ADAM22: variants seen among roughly 807,000 people sequenced by gnomAD.
ADAM22 encodes ADAM metallopeptidase domain 22, also known as disintegrin and metalloproteinase domain-containing protein 22.
ADAM22 carries 65 observed loss-of-function variants against 144.6 expected under a neutral mutation model. The observed-to-expected ratio is 0.45, with a 90% CI of 0.37 to 0.55. ADAM22 has a LOEUF of 0.55. Among genes scored for constraint, ADAM22 ranks in the 20% least tolerant of loss-of-function variants. The pLI is 0.00. For missense variants in ADAM22, 974 were observed against 1,184.9 expected (o/e 0.82, Z 2.61); for synonymous variants, 391 against 412.6 (o/e 0.95, Z 0.63).
intron 3 of ADAM22, among the ~76,000 whole-genome samples, chr7:88,071,430 A>G (rs1454787608): frequency 6.7e-6 from 1 of 148,292 alleles, no homozygotes; most frequent in East Asian, 2.0e-4. Flanking sequence ...TCCATTTTAA[A>G]CAGAAGCAAA....
intron 2 of ADAM22, among the ~76,000 whole-genome samples, chr7:87,971,089 ACT>A (rs1240587412): frequency 6.6e-6 from 1 of 151,990 alleles, no homozygotes; most frequent in East Asian, 1.9e-4. Flanking sequence ...TTTAACTATA[ACT>A]CTGAGTTTGT....
intron 27 of ADAM22, among the ~76,000 whole-genome samples, chr7:88,180,969 A>G (rs1462317377): frequency 6.6e-6 from 1 of 152,118 alleles, no homozygotes; most frequent in African/African-American, 2.4e-5. Context: ...TTTTTGGACC[A>G]TATTTGTGGA....
Position 88,202,723 on chromosome 7 carries a change from A to C in ADAM22, c.*6232A>C, listed in dbSNP as rs1392824126. 3.9e-5 allele frequency: 6 copies of C among 152,226 alleles called. No individual in the cohort carries two copies. Among genetic ancestry groups the C allele is most frequent in the Non-Finnish European group, 8.8e-5 (6 of 68,030 alleles). The allele number at this position is 152,226 out of a possible 1,614,324, so 9.4% of individuals were successfully genotyped here. ...TAAAATTGTTCTTACATTGTAGGTA[A>C]ACAAAATCTTGATGTTTTTAAAGGT... is the stretch of plus-strand genomic sequence containing the variant. On this transcript the variant is annotated 3_prime_UTR_variant, in exon 32 of 32. Transcript: ENST00000413139.
At chr7:87,943,071 G>T (rs1842783027) in intron 2 of ADAM22, among the ~76,000 whole-genome samples, 1 of 150,906 alleles carries the variant, frequency 6.6e-6, no homozygotes, top group Non-Finnish European at 1.5e-5. Flanking sequence ...AGCAAACATT[G>T]GGGGAAATAG....
Position 88,199,966 on chromosome 7 carries a change from A to G in ADAM22, c.*3475A>G, listed in dbSNP as rs879662782. On this transcript the variant is annotated 3_prime_UTR_variant, in exon 32 of 32. Coordinates refer to ENST00000413139, the MANE Select transcript of ADAM22 (RefSeq NM_001324418.2). ...ATATTCTCTGCACTTTCAGAGAAGG[A>G]CTATTTATGTTTGAATTTCATAACA... The G allele has an allele frequency of 6.6e-6, 1 of 152,230 alleles. No homozygotes were observed. The highest frequency in any genetic ancestry group is 1.5e-5 in the Non-Finnish European group (1 of 68,042). 9.4% of individuals were successfully genotyped at this position (152,230 alleles called of 1,614,324 possible). A position where few individuals can be genotyped will look rare whatever the true frequency, so the allele number is the denominator to read the frequency against.
intron 3 of ADAM22, among the ~76,000 whole-genome samples, chr7:87,981,181 C>T (rs2129449315): frequency 6.6e-6 from 1 of 152,246 alleles, no homozygotes; most frequent in African/African-American, 2.4e-5. Flanking sequence ...AAAAACCACA[C>T]ATAGTCCCCC....
chr7:87,947,690 A>C (rs914822755), intron 2 of ADAM22, among the ~76,000 whole-genome samples: 5 of 152,178 alleles, frequency 3.3e-5, no homozygotes, highest in Admixed American at 3.3e-4. Flanking sequence ...TTCATAATCA[A>C]TTTAATATGA....
intron 6 of ADAM22, among the ~76,000 whole-genome samples, chr7:88,115,207 C>G (rs749055590): frequency 2.0e-5 from 3 of 152,182 alleles, no homozygotes; most frequent in Non-Finnish European, 2.9e-5. Context: ...CAGAATGAGA[C>G]TCCGTCTCCA....
chr7:87,966,731 T>G (rs932170425), intron 2 of ADAM22, among the ~76,000 whole-genome samples: 5 of 128,526 alleles, frequency 3.9e-5, no homozygotes, highest in African/African-American at 9.0e-5. Flanking sequence ...GTTTTTTTTT[T>G]TTTTTTTTTT....
chr7:88,037,828 T>C (rs1801888354), intron 3 of ADAM22, among the ~76,000 whole-genome samples: 1 of 152,180 alleles, frequency 6.6e-6, no homozygotes, highest in Non-Finnish European at 1.5e-5. Context: ...TCACTTTCAT[T>C]TTCTGTGATA....
chr7:87,946,010 G>A (rs1416392779), intron 2 of ADAM22, among the ~76,000 whole-genome samples: 1 of 151,440 alleles, frequency 6.6e-6, no homozygotes, highest in Non-Finnish European at 1.5e-5. Context: ...GAGTGTGTAA[G>A]TGTTCCCTTT....
At chr7:88,059,325 G>A (rs1230329877) in intron 3 of ADAM22, among the ~76,000 whole-genome samples, 1 of 152,174 alleles carries the variant, frequency 6.6e-6, no homozygotes, top group Middle Eastern at 3.2e-3. Flanking sequence ...AGGACGATCA[G>A]CTGTTTAACC....
intron 22 of ADAM22, among the ~76,000 whole-genome samples, chr7:88,162,211 T>C (rs1451731307): frequency 6.6e-6 from 1 of 151,902 alleles, no homozygotes; most frequent in East Asian, 1.9e-4. Context: ...GAGGCCGTCA[T>C]CCTTAGTAAA....
chr7:88,165,729 A>C, intron 23 of ADAM22, 103 bp from the exon 24 acceptor site: 1 of 692,136 alleles, frequency 1.4e-6, no homozygotes, highest in Non-Finnish European at 2.3e-6. Context: ...AATTTTTTGG[A>C]ATTACCACAT....
In ADAM22 at chr7:88,134,351, C is replaced by T. The variant is rs754698434; in HGVS notation, c.1100C>T (p.Ala367Val). Residue 367 changes from alanine (A) to valine (V), a missense_variant, in exon 13 of 32, where the codon GCT becomes GTT. By Grantham distance (64) the Ala-to-Val change is moderately conservative. Transcript: ENST00000413139. ...CAGTTTGGGAAAACTGATTTAATGG[C>T]TGTTACACTTGCCCAGTCATTAGCC... ...VNEFGKTDLM[A>V]VTLAQSLAHN... is the part of the protein sequence containing the mutation. The T allele has an allele frequency of 6.2e-7, 1 of 1,606,740 alleles. No homozygotes were observed. The highest frequency in any genetic ancestry group is 2.2e-5 in the East Asian group (1 of 44,556).
At chr7:88,084,826 A>G (rs146203879) in intron 4 of ADAM22, among the ~76,000 whole-genome samples, 43 of 152,374 alleles carry the variant, frequency 2.8e-4, no homozygotes, top group African/African-American at 9.4e-4. Context: ...CTTAAACAAT[A>G]GAAATGTATG....
At chr7:87,965,502 A>C (rs1399223099) in intron 2 of ADAM22, among the ~76,000 whole-genome samples, 1 of 152,162 alleles carries the variant, frequency 6.6e-6, no homozygotes, top group Non-Finnish European at 1.5e-5. Flanking sequence ...TCCTAGGAGA[A>C]AAGGCCTTTA....
At chr7:88,030,826 TC>T (rs1215175320) in intron 3 of ADAM22, among the ~76,000 whole-genome samples, 2 of 152,066 alleles carry the variant, frequency 1.3e-5, no homozygotes, top group Non-Finnish European at 2.9e-5. Flanking sequence ...TGATTAAACT[TC>T]TTCTCTCGGC....
At position 88,162,641 on chromosome 7, in the gene ADAM22, T is replaced by A. The variant is rs184634095; in HGVS notation, c.1908-371T>A. On this transcript the variant is annotated intron_variant, in intron 22 of 31. Transcript: ENST00000413139. ...ATATTGAATAGTGATATACAATAGTTTAGTCATTCTCAAATGTAATTGGTA... is the reference window on the plus strand; with the variant it reads ...ATATTGAATAGTGATATACAATAGTATAGTCATTCTCAAATGTAATTGGTA... Among the ~76,000 whole-genome samples, 1,394 of 152,224 alleles carry A rather than the reference T, an allele frequency of 9.2e-3. 19 individuals are homozygous for A. The highest frequency in any genetic ancestry group is 8.7e-3 in the Non-Finnish European group (591 of 67,996).
Sources: allele counts gnomAD v4.1 joint callset (sites outside exome capture counted in the v4.1 genomes callset), GRCh38; gene constraint gnomAD v4.1.1; transcripts MANE v1.5; gene names NCBI Gene and HGNC (gene_info 2026-07-23, HGNC 2026-07-21).